The following ANKS1B variants were observed in gnomAD, a reference collection of about 807,000 sequenced individuals.
ANKS1B encodes ankyrin repeat and sterile alpha motif domain containing 1B, also known as ankyrin repeat and sterile alpha motif domain-containing protein 1B.
A neutral mutation model predicts 148.3 loss-of-function variants in ANKS1B; 36 were observed. The ratio of observed to expected loss-of-function variants is 0.24; its 90% CI spans 0.19 to 0.32. The LOEUF (loss-of-function observed/expected upper bound fraction) is 0.32. Ranked by LOEUF, ANKS1B falls within the 10% of genes least tolerant of loss-of-function variation. ANKS1B has a pLI of 1.00. For synonymous variants in ANKS1B, 542 were observed against 560.8 expected, an observed-to-expected ratio of 0.97 and a Z score of 0.47; for missense variants, 1,157 against 1,542.6, an observed-to-expected ratio of 0.75 and a Z score of 4.19.
intron 22 of ANKS1B, among the ~76,000 whole-genome samples, chr12:98,786,574 A>C (rs2098796663): frequency 6.6e-6 from 1 of 152,216 alleles, no homozygotes; most frequent in Non-Finnish European, 1.5e-5. Context: ...CATGTTCTGA[A>C]AATAAGTAGG....
chr12:99,772,648 CACAACAACA>C lies in ANKS1B; in HGVS notation c.1128+265_1128+273del, dbSNP rs767613785. On this transcript the variant is annotated intron_variant, in intron 8 of 26. Transcript: ENST00000683438. ...ATTATGCCCAGTAAAACTAAAGGAA[CACAACAACA>C]ACAACAACAACAAATACCAAAAATC... is the stretch of plus-strand genomic sequence containing the variant. 30 of 244,678 alleles carry C rather than the reference CACAACAACA, an allele frequency of 1.2e-4. No individual in the cohort carries two copies. In the Admixed American group the frequency reaches 1.5e-3, roughly 12 times the overall value. The allele number at this position is 244,678 out of a possible 1,614,324, so 15.2% of individuals were successfully genotyped here. A position where few individuals can be genotyped will look rare whatever the true frequency, so the allele number is the denominator to read the frequency against.
At chr12:98,894,674 G>C (rs1368635924) in intron 17 of ANKS1B, 48 of 985,552 alleles carry the variant, frequency 4.9e-5, no homozygotes, top group Non-Finnish European at 5.5e-5. Flanking sequence ...GCGAGGGCTG[G>C]CGGGCTCTGG....
At chr12:99,561,660 A>C (rs2153198854) in intron 9 of ANKS1B, among the ~76,000 whole-genome samples, 1 of 152,130 alleles carries the variant, frequency 6.6e-6, no homozygotes, top group South Asian at 2.1e-4. Context: ...TTCAAGTTTT[A>C]TCATGATATT....
intron 17 of ANKS1B, among the ~76,000 whole-genome samples, chr12:98,952,602 C>T (rs1236590364): frequency 2.6e-5 from 4 of 152,112 alleles, no homozygotes; most frequent in Admixed American, 6.6e-5. Context: ...ATACCTGCCT[C>T]GTGGTTTCAA....
chr12:99,508,026 G>A (rs1477539945), intron 9 of ANKS1B, among the ~76,000 whole-genome samples: 1 of 151,746 alleles, frequency 6.6e-6, no homozygotes, highest in Admixed American at 6.6e-5. Flanking sequence ...ATACATGTAA[G>A]TATCAATAAA....
chr12:99,288,539 G>C (rs984545890), intron 12 of ANKS1B, among the ~76,000 whole-genome samples: 1 of 152,126 alleles, frequency 6.6e-6, no homozygotes, highest in East Asian at 1.9e-4. Context: ...TGTAACTGTG[G>C]TGTTTAAAGC....
intron 8 of ANKS1B, among the ~76,000 whole-genome samples, chr12:99,770,157 TA>T (rs1370237148): frequency 1.3e-5 from 2 of 152,240 alleles, no homozygotes. Context: ...TCTAAATCCA[TA>T]TTGTTAGGAT....
At chr12:99,721,725 C>T (rs958219696) in intron 8 of ANKS1B, among the ~76,000 whole-genome samples, 6 of 152,342 alleles carry the variant, frequency 3.9e-5, no homozygotes, top group African/African-American at 9.6e-5. Context: ...TCTCTTCACA[C>T]TGATGCGCAT....
At chr12:98,908,541 T>A (rs926701029) in intron 17 of ANKS1B, among the ~76,000 whole-genome samples, 3 of 152,214 alleles carry the variant, frequency 2.0e-5, no homozygotes, top group Non-Finnish European at 4.4e-5. Flanking sequence ...TTGGTAAGGA[T>A]ATTGTGAGAA....
At chr12:98,786,859 G>A (rs750310495) in intron 22 of ANKS1B, among the ~76,000 whole-genome samples, 17 of 152,120 alleles carry the variant, frequency 1.1e-4, no homozygotes, top group Non-Finnish European at 2.1e-4. Flanking sequence ...ACAATGCCCC[G>A]ATTGCTCCCA....
At chr12:99,279,915 G>T (rs183938329) in intron 12 of ANKS1B, among the ~76,000 whole-genome samples, 1 of 152,078 alleles carries the variant, frequency 6.6e-6, no homozygotes, top group Non-Finnish European at 1.5e-5. Flanking sequence ...GAGGTCGGAG[G>T]ATCACCTGAG....
chr12:99,343,993 A>C (rs922741035), intron 12 of ANKS1B, among the ~76,000 whole-genome samples: 2 of 152,062 alleles, frequency 1.3e-5, no homozygotes, highest in East Asian at 1.9e-4. Flanking sequence ...AGGGCACCCA[A>C]TTAACACTCA....
At chr12:99,361,689 T>G (rs2092474644) in intron 12 of ANKS1B, among the ~76,000 whole-genome samples, 1 of 152,060 alleles carries the variant, frequency 6.6e-6, no homozygotes, top group African/African-American at 2.4e-5. Flanking sequence ...TTCTTTAAAT[T>G]TGAATATCTA....
rs535003639 is a variant in ANKS1B, at chr12:99,020,963, G to A, written c.2778+32194C>T. ...AACACAAAATTTAACATACTTAACAGTGGCATGTTCAGTGAATATGAGCAG... is the reference window on the plus strand; with the variant it reads ...AACACAAAATTTAACATACTTAACAATGGCATGTTCAGTGAATATGAGCAG... On this transcript the variant is annotated intron_variant, in intron 17 of 26. Coordinates refer to ENST00000683438, the MANE Select transcript of ANKS1B (RefSeq NM_001352186.2). 2.0e-5 allele frequency among the ~76,000 whole-genome samples: 3 copies of A among 152,184 alleles called. No homozygotes were observed. In the South Asian group the frequency reaches 6.2e-4, roughly 32 times the overall value.
chr12:99,935,385 C>T (rs1185036136), intron 1 of ANKS1B, among the ~76,000 whole-genome samples: 1 of 150,554 alleles, frequency 6.6e-6, no homozygotes, highest in African/African-American at 2.4e-5. Context: ...ATACAGTTAG[C>T]ATCTTAAAGA....
At chr12:99,934,035 GT>G in intron 1 of ANKS1B, among the ~76,000 whole-genome samples, 1 of 152,142 alleles carries the variant, frequency 6.6e-6, no homozygotes, top group African/African-American at 2.4e-5. Flanking sequence ...TGATCATATA[GT>G]TTTTGTCCTT....
chr12:99,947,255 C>CA (rs58317609), intron 1 of ANKS1B, among the ~76,000 whole-genome samples: 1,929 of 129,048 alleles, frequency 0.015, 28 homozygotes, highest in African/African-American at 0.027. Flanking sequence ...TAAAGTAATA[C>CA]AAAAAAAAAA....
intron 9 of ANKS1B, among the ~76,000 whole-genome samples, chr12:99,595,699 G>A (rs2097752706): frequency 6.6e-6 from 1 of 151,766 alleles, no homozygotes; most frequent in East Asian, 1.9e-4. Context: ...AAATCTACTT[G>A]GGTTAAAACA....
At chr12:99,853,132 C>T (rs2088262577) in intron 1 of ANKS1B, among the ~76,000 whole-genome samples, 1 of 151,978 alleles carries the variant, frequency 6.6e-6, no homozygotes, top group Non-Finnish European at 1.5e-5. Flanking sequence ...TCTCTACCCA[C>T]ACTGGTAGCT....
Sources: gnomAD v4.1 joint callset for allele counts (sites outside exome capture counted in the v4.1 genomes callset) on GRCh38, gnomAD v4.1.1 for gene constraint, MANE v1.5 for transcripts, NCBI Gene and HGNC (gene_info 2026-07-23, HGNC 2026-07-21) for gene names.